SPMAP2L: variants seen among roughly 807,000 people sequenced by gnomAD.
The protein encoded by SPMAP2L is sperm microtubule associated protein 2-like.
the SPMAP2L span, chr4:56,552,469 C>G: frequency 1.5e-6 from 1 of 654,192 alleles, no homozygotes; most frequent in Non-Finnish European, 2.6e-6. Flanking sequence ...TTTTTTTCCC[C>G]CCTCCTATGA....
At chr4:56,536,164 C>T in the SPMAP2L span, among the ~76,000 whole-genome samples, 3 of 152,194 alleles carry the variant, frequency 2.0e-5, no homozygotes, top group South Asian at 4.1e-4. Flanking sequence ...GTCCACAGCC[C>T]GGGGGTTGGG....
chr4:56,543,903 T>A, the SPMAP2L span, among the ~76,000 whole-genome samples: 8 of 109,234 alleles, frequency 7.3e-5, no homozygotes, highest in African/African-American at 1.9e-4. Flanking sequence ...AGAGTGTGTG[T>A]GTGTGTGTGT....
the SPMAP2L span, chr4:56,552,520 C>T: frequency 6.2e-6 from 8 of 1,287,046 alleles, no homozygotes; most frequent in Non-Finnish European, 8.7e-6. Context: ...TAAGCATTCT[C>T]TTTGAATTAA....
chr4:56,569,746 A>C, the SPMAP2L span, among the ~76,000 whole-genome samples: 5 of 152,080 alleles, frequency 3.3e-5, no homozygotes, highest in Non-Finnish European at 5.9e-5. Flanking sequence ...GGTCGAGGCC[A>C]TGATTGCATC....
chr4:56,548,895 C>A, the SPMAP2L span: 1 of 1,073,900 alleles, frequency 9.3e-7, no homozygotes, highest in South Asian at 2.6e-5. Flanking sequence ...GGGGCAGATT[C>A]ATTTGACGTG....
At chr4:56,544,593 C>T in the SPMAP2L span, among the ~76,000 whole-genome samples, 6 of 152,276 alleles carry the variant, frequency 3.9e-5, no homozygotes, top group Non-Finnish European at 7.4e-5. Context: ...TTGTATAACA[C>T]CAGTTAAGAC....
chr4:56,554,829 A>G, the SPMAP2L span, among the ~76,000 whole-genome samples: 1 of 151,822 alleles, frequency 6.6e-6, no homozygotes, highest in African/African-American at 2.4e-5. Flanking sequence ...ATCTAGACAC[A>G]TTTTGAGTTA....
chr4:56,592,080 C>G, the SPMAP2L span, among the ~76,000 whole-genome samples: 8 of 152,200 alleles, frequency 5.3e-5, no homozygotes. Flanking sequence ...CCATCACTAC[C>G]TGAGTTCCAC....
At chr4:56,594,623 A>T in the SPMAP2L span, 1 of 1,404,016 alleles carries the variant, frequency 7.1e-7, no homozygotes, top group Non-Finnish European at 1.0e-6. Context: ...GACCAACCCA[A>T]CAAGTGCCCA....
the SPMAP2L span, among the ~76,000 whole-genome samples, chr4:56,553,798 C>T: frequency 3.9e-5 from 6 of 152,126 alleles, no homozygotes; most frequent in African/African-American, 1.2e-4. Context: ...ACAGTTTCAT[C>T]GCCCTAAAAA....
the SPMAP2L span, chr4:56,593,781 A>G: frequency 6.3e-7 from 1 of 1,586,438 alleles, no homozygotes; most frequent in Non-Finnish European, 8.7e-7. Context: ...ACTGAGAGAG[A>G]CATGGCTACC....
the SPMAP2L span, among the ~76,000 whole-genome samples, chr4:56,546,832 G>T: frequency 6.7e-6 from 1 of 149,804 alleles, no homozygotes; most frequent in East Asian, 2.0e-4. Context: ...AATAAGTGCT[G>T]CAACTTTCAT....
At chr4:56,588,500 T>C in the SPMAP2L span, among the ~76,000 whole-genome samples, 1,023 of 151,924 alleles carry the variant, frequency 6.7e-3, 11 homozygotes, top group African/African-American at 0.023. Context: ...GGTGCGATCT[T>C]GGCTCACTGC....
the SPMAP2L span, chr4:56,559,595 T>G: frequency 3.7e-6 from 5 of 1,354,082 alleles, no homozygotes; most frequent in African/African-American, 6.0e-5. Flanking sequence ...TGAGACAGAG[T>G]CTCACACTGT....
chr4:56,565,218 T>C, the SPMAP2L span, among the ~76,000 whole-genome samples: 1 of 152,250 alleles, frequency 6.6e-6, no homozygotes, highest in Admixed American at 6.5e-5. Flanking sequence ...ACATCCTTAC[T>C]GATATTCTGT....
At chr4:56,609,750 C>T in the SPMAP2L span, among the ~76,000 whole-genome samples, 44 of 152,034 alleles carry the variant, frequency 2.9e-4, no homozygotes, top group Non-Finnish European at 4.9e-4. Context: ...TCCCTTTTTC[C>T]GTTTTTAGCC....
At chr4:56,543,440 C>T in the SPMAP2L span, among the ~76,000 whole-genome samples, 11 of 150,974 alleles carry the variant, frequency 7.3e-5, no homozygotes, top group Admixed American at 5.3e-4. Flanking sequence ...CACCTGTAAT[C>T]CCAGCACTTT....
chr4:56,551,317 G>C, the SPMAP2L span, among the ~76,000 whole-genome samples: 1 of 152,148 alleles, frequency 6.6e-6, no homozygotes, highest in South Asian at 2.1e-4. Flanking sequence ...AGTGACATCT[G>C]TTTGATAGGT....
At chr4:56,621,396 C>T in the SPMAP2L span, among the ~76,000 whole-genome samples, 1 of 152,166 alleles carries the variant, frequency 6.6e-6, no homozygotes, top group Non-Finnish European at 1.5e-5. Flanking sequence ...CTGTATGACA[C>T]CATTTAGTTC....
Sources: gnomAD v4.1 joint callset for allele counts (sites outside exome capture counted in the v4.1 genomes callset) on GRCh38, gnomAD v4.1.1 for gene constraint, MANE v1.5 for transcripts, NCBI Gene and HGNC (gene_info 2026-07-23, HGNC 2026-07-21) for gene names.